The following ANO2 variants were observed in gnomAD, a reference collection of about 807,000 sequenced individuals.
ANO2 encodes the protein anoctamin-2.
In ANO2, 101 loss-of-function variants were observed where a neutral mutation model predicts 124.2. The observed-to-expected ratio is 0.81, with a 90% CI of 0.69 to 0.96. The LOEUF (loss-of-function observed/expected upper bound fraction) is 0.96. Among genes scored for constraint, ANO2 ranks in the 40% least tolerant of loss-of-function variants. The pLI is 0.00. For missense variants in ANO2, 1,293 were observed against 1,274.5 expected (o/e 1.01, Z -0.22); for synonymous variants, 486 against 482.5 (o/e 1.01, Z -0.09).
In ANO2 at chr12:5,921,372, CAG is replaced by C. The variant is rs765268175; in HGVS notation, c.208-8_208-7del. ...TCCAGATAGTTGTTGATGACCTGGC[CAG>C]AGAGAGAGGAGAGGCAGGGCAAGGT... On this transcript the variant is annotated splice_region_variant and splice_polypyrimidine_tract_variant and intron_variant, in intron 2 of 24. Coordinates refer to ENST00000682330, the MANE Select transcript of ANO2 (RefSeq NM_001364791.2). The C allele has an allele frequency of 3.1e-6, 5 of 1,611,446 alleles. No individual in the cohort carries two copies. Among genetic ancestry groups the C allele is most frequent in the Admixed American group, 3.3e-5 (2 of 59,980 alleles).
intron 3 of ANO2, among the ~76,000 whole-genome samples, chr12:5,916,952 G>C (rs1056475311): frequency 2.6e-5 from 4 of 152,168 alleles, no homozygotes; most frequent in African/African-American, 9.7e-5. Flanking sequence ...CAGAGACAAC[G>C]CTGCAAGACA....
At chr12:5,838,818 C>T (rs922788396) in intron 4 of ANO2, among the ~76,000 whole-genome samples, 5 of 152,342 alleles carry the variant, frequency 3.3e-5, no homozygotes, top group Non-Finnish European at 4.4e-5. Flanking sequence ...AAACCATGGA[C>T]TTACGGAGAG....
chr12:5,747,844 T>C (rs960843143), intron 11 of ANO2, among the ~76,000 whole-genome samples: 8 of 152,250 alleles, frequency 5.3e-5, no homozygotes, highest in Non-Finnish European at 8.8e-5. Context: ...GTTGTTGTCA[T>C]ATCCACAGTT....
chr12:5,861,573 C>T (rs1477724407), intron 3 of ANO2, among the ~76,000 whole-genome samples: 2 of 152,206 alleles, frequency 1.3e-5, no homozygotes, highest in Non-Finnish European at 2.9e-5. Flanking sequence ...TCCTTCCCCA[C>T]AGCCCTGCCA....
intron 10 of ANO2, among the ~76,000 whole-genome samples, chr12:5,795,076 G>T (rs967196934): frequency 6.6e-6 from 1 of 152,154 alleles, no homozygotes; most frequent in Non-Finnish European, 1.5e-5. Flanking sequence ...AGGAGGGATG[G>T]ATCAAACCAC....
intron 19 of ANO2, 75 bp downstream of exon 19, chr12:5,612,581 A>G: frequency 8.0e-7 from 1 of 1,248,708 alleles, no homozygotes; most frequent in African/African-American, 1.5e-5. Flanking sequence ...GGCCATAGAA[A>G]ACCTGCTGAA....
chr12:5,571,011 C>T (rs948355152), intron 23 of ANO2, among the ~76,000 whole-genome samples: 1 of 152,104 alleles, frequency 6.6e-6, no homozygotes, highest in African/African-American at 2.4e-5. Flanking sequence ...CAGCCATGGG[C>T]TGGAAGGGAG....
Position 5,635,309 on chromosome 12 carries a change from C to T in ANO2, c.1659G>A (p.Val553=). 3 of 1,602,812 alleles carry T rather than the reference C, an allele frequency of 1.9e-6. No homozygotes were observed. Among genetic ancestry groups the T allele is most frequent in the Admixed American group, 1.8e-5 (1 of 56,828 alleles). Residue 553 remains valine (V), a synonymous_variant, in exon 16 of 25, where the codon GTG becomes GTA. Coordinates refer to ENST00000682330, the MANE Select transcript of ANO2 (RefSeq NM_001364791.2). This position sits in a 1 kb window ranked among gnomAD's most constrained non-coding sequence, Gnocchi z 5.2. ...GAGCGGCTGCAGTTGTTATTCGATA[C>T]ACTATCACCCCAAAGACGATTGAGA... ...LTFSIVFGVI[V]YRITTAAALS...
At chr12:5,849,015 A>G (rs542101798) in intron 4 of ANO2, among the ~76,000 whole-genome samples, 1 of 152,278 alleles carries the variant, frequency 6.6e-6, no homozygotes, top group South Asian at 2.1e-4. Context: ...TTGGAGATGC[A>G]TGGAGCTCTG....
chr12:5,593,304 A>G (rs551577002), intron 20 of ANO2, among the ~76,000 whole-genome samples: 3 of 152,348 alleles, frequency 2.0e-5, no homozygotes, highest in Admixed American at 1.3e-4. Context: ...TGAATTCCTG[A>G]GGCAGGATTA....
At chr12:5,868,995 T>C (rs1236239713) in intron 3 of ANO2, among the ~76,000 whole-genome samples, 2 of 151,854 alleles carry the variant, frequency 1.3e-5, no homozygotes, top group Non-Finnish European at 1.5e-5. Context: ...ATCAGAAACA[T>C]AGACCCTGGA....
intron 1 of ANO2, among the ~76,000 whole-genome samples, chr12:5,923,208 A>C (rs1346074465): frequency 6.8e-6 from 1 of 147,092 alleles, no homozygotes; most frequent in Non-Finnish European, 1.5e-5. Flanking sequence ...ACGCACACAC[A>C]CCCACATACA....
At chr12:5,811,923 G>C (rs1953401031) in intron 7 of ANO2, among the ~76,000 whole-genome samples, 1 of 152,102 alleles carries the variant, frequency 6.6e-6, no homozygotes, top group Non-Finnish European at 1.5e-5. Flanking sequence ...TTCTCTTGAG[G>C]TTATGAAAGA....
At chr12:5,884,056 G>A (rs1236939686) in intron 3 of ANO2, among the ~76,000 whole-genome samples, 1 of 152,172 alleles carries the variant, frequency 6.6e-6, no homozygotes, top group Non-Finnish European at 1.5e-5. Context: ...TAACAGAGTT[G>A]GGAAACCTAT....
Position 5,635,287 on chromosome 12 carries a change from C to T in ANO2, c.1681G>A (p.Ala561Thr), listed in dbSNP as rs779424459. Reference protein sequence around the residue: ...VIVYRITTAAALSLNKATRSN... With the variant: ...VIVYRITTAATLSLNKATRSN... ...CGTGTAGCCTTATTGAGAGACAGAG[C>T]GGCTGCAGTTGTTATTCGATACACT... The change falls in exon 16 of 25, where the codon GCT (alanine) becomes ACT (threonine). Residue 561 changes from alanine (A) to threonine (T), a missense_variant. Transcript: ENST00000682330. The surrounding 1 kb of genome is among the most constrained non-coding windows in gnomAD (Gnocchi z 5.2). 5.0e-5 allele frequency: 81 copies of T among 1,608,622 alleles called. No individual in the cohort carries two copies. The highest frequency in any genetic ancestry group is 1.1e-4 in the East Asian group (5 of 44,666).
At chr12:5,684,587 G>C (rs573625084) in intron 14 of ANO2, among the ~76,000 whole-genome samples, 3 of 152,070 alleles carry the variant, frequency 2.0e-5, no homozygotes, top group African/African-American at 7.2e-5. Context: ...GTCTTTGAGC[G>C]AGCCTTCAAA....
chr12:5,871,807 C>A (rs1228873598), intron 3 of ANO2, among the ~76,000 whole-genome samples: 3 of 152,102 alleles, frequency 2.0e-5, no homozygotes, highest in Non-Finnish European at 4.4e-5. Flanking sequence ...GCTGTTTTTG[C>A]TTATGTCAGA....
At chr12:5,643,140 G>A (rs1006967432) in intron 15 of ANO2, among the ~76,000 whole-genome samples, 3 of 151,910 alleles carry the variant, frequency 2.0e-5, no homozygotes, top group African/African-American at 7.3e-5. Context: ...CAGCAGCTCT[G>A]AATTCCCTTC....
At chr12:5,832,356 C>A in intron 5 of ANO2, 96 bp downstream of exon 5, 12 of 1,453,124 alleles carry the variant, frequency 8.3e-6, no homozygotes, top group Non-Finnish European at 1.1e-5. Context: ...CACTGGGGCA[C>A]CCACTTTGGG....
Sources: gnomAD v4.1 joint callset for allele counts (sites outside exome capture counted in the v4.1 genomes callset) on GRCh38, gnomAD v4.1.1 for gene constraint, Gnocchi (gnomAD v3.1) non-coding constraint, MANE v1.5 for transcripts, NCBI Gene and HGNC (gene_info 2026-07-23, HGNC 2026-07-21) for gene names.